The following TMEM59L variants were observed in gnomAD, a reference collection of about 807,000 sequenced individuals.
TMEM59L encodes transmembrane protein 59-like.
In TMEM59L, 31 loss-of-function variants were observed where a neutral mutation model predicts 39.6. The observed-to-expected ratio is 0.78, with a 90% CI of 0.59 to 1.06. TMEM59L has a LOEUF of 1.06. Ranked by LOEUF, TMEM59L falls within the 50% of genes least tolerant of loss-of-function variation. The pLI is 0.00. For synonymous variants in TMEM59L, 219 were observed against 202.9 expected (o/e 1.08, Z -0.68); for missense variants, 441 against 451.3 (o/e 0.98, Z 0.21).
rs1600668897 is a variant in TMEM59L at position 18,620,868 on chromosome 19, G to C, written c.*332G>C. 1 of 183,494 alleles carries C rather than the reference G, an allele frequency of 5.4e-6. No individual in the cohort carries two copies. Among genetic ancestry groups the C allele is most frequent in the Admixed American group, 5.9e-5 (1 of 17,080 alleles). The allele number at this position is 183,494 out of a possible 1,614,324, so 11.4% of individuals were successfully genotyped here. A position where few individuals can be genotyped will look rare whatever the true frequency, so the allele number is the denominator to read the frequency against. ...CTTCTATGTCCCCTCTCTGCGGGGG[G>C]GGCGCTGAGGCTGAGGGGGAGCTGC... On this transcript the variant is annotated 3_prime_UTR_variant, in exon 8 of 8. Coordinates refer to ENST00000262817, the MANE Select transcript of TMEM59L (RefSeq NM_012109.3).
intron 1 of TMEM59L, among the ~76,000 whole-genome samples, chr19:18,613,598 C>G (rs1429956205): frequency 6.6e-6 from 1 of 152,094 alleles, no homozygotes; most frequent in African/African-American, 2.4e-5. Context: ...GAATCCTTCT[C>G]CATGTCTCCC....
At chr19:18,620,088 C>T (rs1037757483) in intron 7 of TMEM59L, among the ~76,000 whole-genome samples, 3 of 151,440 alleles carry the variant, frequency 2.0e-5, no homozygotes, top group African/African-American at 7.3e-5. Context: ...GGGCAGATCA[C>T]TTCAGGAGTT....
Position 18,616,970 on chromosome 19 carries a change from C to T in TMEM59L, c.562-30C>T, listed in dbSNP as rs765169985. ...GGCCCAGGGGTGCTGTTCTCACAAG[C>T]CTCTCTGTGCTGTCTTGTTCCTGGC... On this transcript the variant is annotated intron_variant, in intron 4 of 7. Coordinates refer to ENST00000262817, the MANE Select transcript of TMEM59L (RefSeq NM_012109.3). 8.5e-6 allele frequency: 13 copies of T among 1,537,810 alleles called. No homozygotes were observed. In the South Asian group the frequency reaches 1.3e-4, roughly 15 times the overall value.
At position 18,613,922 on chromosome 19, in the gene TMEM59L, C is replaced by G. The variant is rs1330963662; in HGVS notation, c.222C>G (p.Ile74Met). 1 of 1,612,900 alleles carries G rather than the reference C, an allele frequency of 6.2e-7. No individual in the cohort carries two copies. The highest frequency in any genetic ancestry group is 2.2e-5 in the East Asian group (1 of 44,858). ...SESPYDRAVL[I>M]SACERGCRLF... ...CTCCCTATGACAGAGCCGTTCTGATCAGCGCTTGCGAGCGTGGCTGCCGCC... is the reference window on the plus strand; with the variant it reads ...CTCCCTATGACAGAGCCGTTCTGATGAGCGCTTGCGAGCGTGGCTGCCGCC... The change falls in exon 2 of 8, where the codon ATC becomes ATG. Residue 74 changes from isoleucine to methionine, a missense_variant. Transcript: ENST00000262817.
At chr19:18,613,164 A>G (rs1433035730) in intron 1 of TMEM59L, 35 bp downstream of exon 1, 3 of 1,257,578 alleles carry the variant, frequency 2.4e-6, no homozygotes, top group Admixed American at 4.2e-5. Context: ...CCAGCGGGGG[A>G]CGCGGGATCT....
intron 7 of TMEM59L, 78 bp from the exon 8 acceptor site, chr19:18,620,330 G>A: frequency 1.4e-6 from 2 of 1,381,824 alleles, no homozygotes; most frequent in Non-Finnish European, 2.0e-6. Context: ...ACAATCAGAG[G>A]TGGGAAGGAG....
At chr19:18,617,621 G>C (rs1055228806) in intron 5 of TMEM59L, 2 of 456,022 alleles carry the variant, frequency 4.4e-6, no homozygotes, top group South Asian at 3.1e-5. Context: ...AGGGTTCTTT[G>C]GTCCATCTCT....
rs537887420 is a variant in TMEM59L at position 18,620,229 on chromosome 19, G to A, written c.901-179G>A. Reference sequence around the variant, plus strand: ...AGAAAGGAGAATCGCTTGAACCTAGGAGGCGGAGGTTGCAGTGAGCTGAGA... The same window carrying A: ...AGAAAGGAGAATCGCTTGAACCTAGAAGGCGGAGGTTGCAGTGAGCTGAGA... On this transcript the variant is annotated intron_variant, in intron 7 of 7. Transcript: ENST00000262817. Among the ~76,000 whole-genome samples, 883 of 152,054 alleles carry A rather than the reference G, an allele frequency of 5.8e-3. 1 individual carries two copies. Among genetic ancestry groups the A allele is most frequent in the Admixed American group, 0.012 (177 of 15,262 alleles).
intron 5 of TMEM59L, chr19:18,617,640 C>A (rs1032852068): frequency 1.1e-5 from 5 of 455,166 alleles, no homozygotes; most frequent in Non-Finnish European, 2.2e-5. Flanking sequence ...CTCAGGGTTC[C>A]ATGGTTCATC....
chr19:18,620,228 G>A (rs1976480229), intron 7 of TMEM59L, among the ~76,000 whole-genome samples, 180 bp from the exon 8 acceptor site: 1 of 151,648 alleles, frequency 6.6e-6, no homozygotes, highest in African/African-American at 2.4e-5. Flanking sequence ...CTTGAACCTA[G>A]GAGGCGGAGG....
intron 3 of TMEM59L, 68 bp from the exon 4 acceptor site, chr19:18,615,907 C>T: frequency 6.4e-7 from 1 of 1,560,826 alleles, no homozygotes; most frequent in East Asian, 2.3e-5. Context: ...CACATCCTGC[C>T]CCCTCCCATT....
intron 3 of TMEM59L, among the ~76,000 whole-genome samples, chr19:18,615,325 G>C (rs1027937959): frequency 2.0e-5 from 3 of 152,188 alleles, no homozygotes; most frequent in African/African-American, 7.2e-5. Flanking sequence ...GAATAATGAG[G>C]ATGATGATAT....
At chr19:18,616,196 T>C in intron 4 of TMEM59L, 69 bp downstream of exon 4, 17 of 1,584,708 alleles carry the variant, frequency 1.1e-5, no homozygotes, top group Non-Finnish European at 1.5e-5. Context: ...TGGGATGCAT[T>C]GGCTCTTAGC....
intron 7 of TMEM59L, among the ~76,000 whole-genome samples, chr19:18,618,931 G>A (rs1395820909): frequency 6.6e-6 from 1 of 151,726 alleles, no homozygotes; most frequent in South Asian, 2.1e-4. Context: ...CTGACCTCAG[G>A]TGATCCATCC....
In TMEM59L at chr19:18,615,752, C is replaced by T. The variant is rs547413756; in HGVS notation, c.409-223C>T. Among the ~76,000 whole-genome samples, 3 of 152,288 alleles carry T rather than the reference C, an allele frequency of 2.0e-5. No individual in the cohort carries two copies. The East Asian group carries it at 5.8e-4, about 29-fold the overall frequency. On this transcript the variant is annotated intron_variant, in intron 3 of 7. Coordinates refer to ENST00000262817, the MANE Select transcript of TMEM59L (RefSeq NM_012109.3). Reference sequence around the variant, plus strand: ...CCTCTGGAGTAGCTGAGATTCCAGGCGTGCGCCATCATGCCTGGCTAATTT... The same window carrying T: ...CCTCTGGAGTAGCTGAGATTCCAGGTGTGCGCCATCATGCCTGGCTAATTT...
At position 18,620,579 on chromosome 19, in the gene TMEM59L, G is replaced by A. The variant is rs1184366789; in HGVS notation, c.*43G>A. 3.7e-6 allele frequency: 6 copies of A among 1,600,606 alleles called. No homozygotes were observed. Among genetic ancestry groups the A allele is most frequent in the East Asian group, 2.2e-5 (1 of 44,630 alleles). ...CACTGCCAACTGCAGGGGGCCCCTC[G>A]GGCCTCACTTGCCCTGAGCCCAGGA... On this transcript the variant is annotated 3_prime_UTR_variant, in exon 8 of 8. Coordinates refer to ENST00000262817, the MANE Select transcript of TMEM59L (RefSeq NM_012109.3).
chr19:18,619,701 G>A (rs80335551), intron 7 of TMEM59L, among the ~76,000 whole-genome samples: 24,793 of 151,382 alleles, frequency 0.16, 2,967 homozygotes, highest in African/African-American at 0.34. Flanking sequence ...CTACTCGGGA[G>A]GCTGAGGCAG....
Position 18,620,577 on chromosome 19 carries a change from T to A in TMEM59L, c.*41T>A. The A allele has an allele frequency of 6.2e-7, 1 of 1,602,072 alleles. No individual in the cohort carries two copies. The highest frequency in any genetic ancestry group is 1.1e-5 in the South Asian group (1 of 90,370). On this transcript the variant is annotated 3_prime_UTR_variant, in exon 8 of 8. Coordinates refer to ENST00000262817, the MANE Select transcript of TMEM59L (RefSeq NM_012109.3). The stretch of plus-strand genomic sequence containing the variant: ...ATCACTGCCAACTGCAGGGGGCCCC[T>A]CGGGCCTCACTTGCCCTGAGCCCAG...
intron 5 of TMEM59L, chr19:18,617,586 G>T (rs575356826): frequency 4.4e-6 from 2 of 456,146 alleles, no homozygotes; most frequent in African/African-American, 4.0e-5. Context: ...CATCTCCTAG[G>T]GTCATCTCCT....
Sources: gnomAD v4.1 joint callset for allele counts (sites outside exome capture counted in the v4.1 genomes callset) on GRCh38, gnomAD v4.1.1 for gene constraint, MANE v1.5 for transcripts, NCBI Gene and HGNC (gene_info 2026-07-23, HGNC 2026-07-21) for gene names.